TRAF3IP2: variants seen among roughly 807,000 people sequenced by gnomAD.
TRAF3IP2 encodes the protein TRAF3 interacting protein 2.
In TRAF3IP2, 35 loss-of-function variants were observed where a neutral mutation model predicts 57.9. The ratio of observed to expected loss-of-function variants is 0.60; its 90% CI spans 0.46 to 0.80. The LOEUF is 0.80. TRAF3IP2 is among the 30% of genes least tolerant of loss of function. The pLI is 0.00. For missense variants in TRAF3IP2, 556 were observed against 706.4 expected, an observed-to-expected ratio of 0.79 and a Z score of 2.41; for synonymous variants, 251 against 268.9, an observed-to-expected ratio of 0.93 and a Z score of 0.65.
rs1796539030 is a variant in TRAF3IP2 at position 111,591,951 on chromosome 6, TG to T, written c.135del (p.Asn45LysfsTer23). ...TGAAGCATTGTGGGTGCAGACAAGC[TG>T]TTGGGTGCCATGTTCCTTATATTTG... ...PAPNIRNMAP[N>X]SLSAPTMLHN... is the part of the protein sequence containing the mutation. On this transcript the variant is annotated frameshift_variant, in exon 2 of 9. Coordinates refer to ENST00000368761, the MANE Select transcript of TRAF3IP2 (RefSeq NM_147686.4). LOFTEE classifies it high-confidence loss of function. This position sits in a 1 kb window ranked among gnomAD's most constrained non-coding sequence, Gnocchi z 4.9. 1.2e-6 allele frequency: 2 copies of T among 1,614,086 alleles called. No individual in the cohort carries two copies. Among genetic ancestry groups the T allele is most frequent in the Admixed American group, 3.3e-5 (2 of 60,002 alleles).
At chr6:111,580,555 T>C (rs993875617) in intron 2 of TRAF3IP2, among the ~76,000 whole-genome samples, 166 bp from the exon 3 acceptor site, 1 of 152,230 alleles carries the variant, frequency 6.6e-6, no homozygotes, top group Admixed American at 6.5e-5. Flanking sequence ...GTTAATTACT[T>C]GAGTGTTTTC....
At chr6:111,604,705 G>T (rs1407173475) in intron 1 of TRAF3IP2, among the ~76,000 whole-genome samples, 4 of 152,200 alleles carry the variant, frequency 2.6e-5, no homozygotes, top group African/African-American at 9.6e-5. Flanking sequence ...ACATGGAAGG[G>T]GGGTGAGCAC....
At chr6:111,577,205 C>A (rs1796018355) in intron 3 of TRAF3IP2, 2 of 145,750 alleles carry the variant, frequency 1.4e-5, no homozygotes, top group South Asian at 4.3e-4. Flanking sequence ...GCATTAAATT[C>A]TCTTATACCA....
intron 1 of TRAF3IP2, chr6:111,602,283 G>C (rs1796892386): frequency 1.3e-5 from 2 of 151,566 alleles, no homozygotes; most frequent in Admixed American, 1.3e-4. Context: ...AACATTTAGA[G>C]AACAACCTCA....
At chr6:111,568,346 A>AT (rs1466787444) in intron 5 of TRAF3IP2, among the ~76,000 whole-genome samples, 1 of 152,192 alleles carries the variant, frequency 6.6e-6, no homozygotes, top group East Asian at 1.9e-4. Flanking sequence ...TTGAAGGGAT[A>AT]TTTTAAAAGG....
At chr6:111,595,071 A>G (rs1796638806) in intron 1 of TRAF3IP2, among the ~76,000 whole-genome samples, 1 of 152,120 alleles carries the variant, frequency 6.6e-6, no homozygotes, top group South Asian at 2.1e-4. Flanking sequence ...GTCTCTACTA[A>G]AAGTACAAAA....
chr6:111,589,313 C>CTTGG (rs1796435136), intron 2 of TRAF3IP2, among the ~76,000 whole-genome samples: 1 of 152,214 alleles, frequency 6.6e-6, no homozygotes, highest in Non-Finnish European at 1.5e-5. Context: ...ATCCACCCAC[C>CTTGG]TTGGCCTCCC....
chr6:111,584,123 T>C (rs13195446), intron 2 of TRAF3IP2, among the ~76,000 whole-genome samples: 379 of 152,306 alleles, frequency 2.5e-3, no homozygotes, highest in Middle Eastern at 6.8e-3. Flanking sequence ...AGAAAGCGGA[T>C]GTTGGTGCTG....
At chr6:111,588,251 C>T (rs1796400130) in intron 2 of TRAF3IP2, among the ~76,000 whole-genome samples, 1 of 152,144 alleles carries the variant, frequency 6.6e-6, no homozygotes, top group Non-Finnish European at 1.5e-5. Flanking sequence ...CTCCTATCCC[C>T]ATTCTCTCCC....
At chr6:111,567,970 T>A (rs1795706263) in intron 5 of TRAF3IP2, among the ~76,000 whole-genome samples, 1 of 152,224 alleles carries the variant, frequency 6.6e-6, no homozygotes, top group Admixed American at 6.5e-5. Context: ...ATCAGGTTTT[T>A]AAAAATCTGA....
chr6:111,602,158 AG>A (rs1452827662), intron 1 of TRAF3IP2: 1 of 152,260 alleles, frequency 6.6e-6, no homozygotes, highest in Non-Finnish European at 1.5e-5. Flanking sequence ...AAGGCAGTGC[AG>A]TATGAACCGA....
At chr6:111,587,540 C>A (rs1346176111) in intron 2 of TRAF3IP2, among the ~76,000 whole-genome samples, 1 of 152,114 alleles carries the variant, frequency 6.6e-6, no homozygotes, top group East Asian at 1.9e-4. Context: ...CAGGTGTGAG[C>A]CACTGCACCC....
At chr6:111,577,171 A>G (rs940371977) in intron 3 of TRAF3IP2, 1 of 150,772 alleles carries the variant, frequency 6.6e-6, no homozygotes, top group Non-Finnish European at 1.5e-5. Context: ...TATTTCTCCA[A>G]GAAAAACTCA....
intron 1 of TRAF3IP2, among the ~76,000 whole-genome samples, chr6:111,596,831 TC>T (rs1171858418): frequency 2.0e-5 from 3 of 152,148 alleles, no homozygotes; most frequent in African/African-American, 7.2e-5. Flanking sequence ...ACTCTTTACC[TC>T]AAGCAGTCCT....
At position 111,575,795 on chromosome 6, in the gene TRAF3IP2, T is replaced by C. The variant is rs2128375781; in HGVS notation, c.1049A>G (p.Asn350Ser). Residue 350 changes from asparagine (N) to serine (S), a missense_variant, in exon 4 of 9, where the codon AAT becomes AGT. Around this residue, in one of 2 missense-constraint regions of TRAF3IP2, gnomAD observed 428 missense variants for 498.7 expected, o/e 0.86. Transcript: ENST00000368761. ...GGACTCCCCAGGAGCACCAGCTCTA[T>C]TAGGTGGCTGGTGATGTGGCTGGTC... Reference protein sequence around the residue: ...HQDQPHHQPPNRAGAPGESLE... With the variant: ...HQDQPHHQPPSRAGAPGESLE... 1.2e-6 allele frequency: 2 copies of C among 1,609,642 alleles called. No homozygotes were observed. The highest frequency in any genetic ancestry group is 3.4e-5 in the Admixed American group (2 of 58,558).
chr6:111,575,965 G>C, intron 3 of TRAF3IP2, 144 bp from the exon 4 acceptor site: 1 of 801,992 alleles, frequency 1.2e-6, no homozygotes, highest in South Asian at 1.7e-5. Flanking sequence ...GAAGGAAGAG[G>C]GGAGCTCCAT....
In TRAF3IP2 at chr6:111,559,239, C is replaced by G; in HGVS notation, c.*166G>C. ...CTTCAAAGCCAGGGTGTGTGGAGGT[C>G]TCCGGGGAAGAGCTCTGCACAACAG... On this transcript the variant is annotated 3_prime_UTR_variant, in exon 9 of 9. Transcript: ENST00000368761. 1 of 889,086 alleles carries G rather than the reference C, an allele frequency of 1.1e-6. No homozygotes were observed. The highest frequency in any genetic ancestry group is 1.9e-5 in the South Asian group (1 of 51,282). The allele number at this position is 889,086 out of a possible 1,614,324, so 55.1% of individuals were successfully genotyped here.
chr6:111,580,477 T>G, intron 2 of TRAF3IP2, 88 bp from the exon 3 acceptor site: 2 of 1,287,836 alleles, frequency 1.6e-6, no homozygotes, highest in Non-Finnish European at 2.1e-6. Flanking sequence ...CTCATTTGTG[T>G]CTTGATCCCA....
chr6:111,598,490 C>A (rs1796765552), intron 1 of TRAF3IP2, among the ~76,000 whole-genome samples: 1 of 152,134 alleles, frequency 6.6e-6, no homozygotes, highest in Admixed American at 6.5e-5. Flanking sequence ...ATGAGCACTC[C>A]ACATCCTTTA....
Sources: allele counts gnomAD v4.1 joint callset (sites outside exome capture counted in the v4.1 genomes callset), GRCh38; gene constraint gnomAD v4.1.1; regional missense constraint gnomAD v4.1.1; non-coding constraint Gnocchi (gnomAD v3.1); transcripts MANE v1.5; gene names NCBI Gene and HGNC (gene_info 2026-07-23, HGNC 2026-07-21).